TMEM253: variants seen among roughly 807,000 people sequenced by gnomAD.
TMEM253 encodes transmembrane protein C14orf176.
A neutral mutation model predicts 20.3 loss-of-function variants in TMEM253; 22 were observed. The observed-to-expected ratio is 1.08, with a 90% CI of 0.78 to 1.55. The LOEUF (loss-of-function observed/expected upper bound fraction) is 1.55. TMEM253 is among the 40% of genes most tolerant of loss of function. TMEM253 has a pLI of 0.00. For synonymous variants in TMEM253, 92 were observed against 102.6 expected, an observed-to-expected ratio of 0.90 and a Z score of 0.62; for missense variants, 251 against 266.1, an observed-to-expected ratio of 0.94 and a Z score of 0.39.
exon 7 of TMEM253, chr14:21,103,233 C>T (rs1196866068): frequency 6.4e-7 from 1 of 1,551,610 alleles, no homozygotes; most frequent in Non-Finnish European, 8.7e-7. Context: ...CGGGAACAGA[C>T]ACGTGCTGCT....
chr14:21,102,921 C>A (rs754586215), intron 6 of TMEM253, 142 bp downstream of exon 6: 25 of 1,388,016 alleles, frequency 1.8e-5, no homozygotes, highest in Non-Finnish European at 2.3e-5. Context: ...TTGGCTTTCT[C>A]TGGCTTTGAA....
intron 4 of TMEM253, 103 bp downstream of exon 4, chr14:21,102,223 A>C: frequency 1.4e-6 from 2 of 1,437,610 alleles, no homozygotes; most frequent in Non-Finnish European, 1.9e-6. Flanking sequence ...TCATTCTCTC[A>C]GCTGTCACCA....
intron 1 of TMEM253, 26 bp from the exon 2 acceptor site, chr14:21,101,282 C>G (rs909142497): frequency 4.8e-6 from 7 of 1,467,292 alleles, no homozygotes; most frequent in Non-Finnish European, 6.5e-6. Flanking sequence ...TCCTAATAGA[C>G]AGAACCTATA....
exon 4 of TMEM253, chr14:21,102,077 G>A (rs770551710): frequency 6.4e-7 from 1 of 1,551,382 alleles, no homozygotes; most frequent in South Asian, 1.2e-5. Context: ...CTCCTCACTG[G>A]GACTGTCACT....
At chr14:21,100,891 G>A (rs917066054), upstream of TMEM253, among the ~76,000 whole-genome samples, 3 of 152,186 alleles carry the variant, frequency 2.0e-5, no homozygotes, top group African/African-American at 7.2e-5. Flanking sequence ...CCATGGGGAT[G>A]AGGTAAGTGA....
chr14:21,100,532 GAGATAGAT>G (rs3062000), upstream of TMEM253, among the ~76,000 whole-genome samples: 12 of 150,116 alleles, frequency 8.0e-5, no homozygotes, highest in Admixed American at 4.6e-4. Flanking sequence ...TGAGGACCAT[GAGATAGAT>G]AGATAGATAG....
Position 21,102,110 on chromosome 14 carries a change from G to A in TMEM253, c.266G>A (p.Arg89His), listed in dbSNP as rs199880599. 593 of 1,551,030 alleles carry A rather than the reference G, an allele frequency of 3.8e-4. 1 individual carries two copies. The highest frequency in any genetic ancestry group is 2.5e-4 in the Non-Finnish European group (281 of 1,146,734). The change falls in exon 4 of 7, where the codon CGC (arginine) becomes CAC (histidine). Residue 89 changes from arginine to histidine, a missense_variant. Physicochemically the swap from Arg to His is conservative, Grantham distance 29. Transcript: ENST00000556585. ...ACTCTGGAGCTTCGCAGAGCACCCC[G>A]CCTTTGGAAGGTGAGAGGGAAGAAA...
chr14:21,102,748 G>T, exon 6 of TMEM253: 1 of 1,550,956 alleles, frequency 6.4e-7, no homozygotes. Flanking sequence ...TGCTGCAGGA[G>T]CCAGAGTCTG....
intron 2 of TMEM253, 171 bp downstream of exon 2, chr14:21,101,622 CT>C: frequency 4.4e-6 from 3 of 686,724 alleles, no homozygotes; most frequent in Non-Finnish European, 7.3e-6. Context: ...AGGCAAGACC[CT>C]TAATCTCCCA....
At chr14:21,099,929 T>C (rs1237783561), upstream of TMEM253, among the ~76,000 whole-genome samples, 1 of 152,218 alleles carries the variant, frequency 6.6e-6, no homozygotes, top group African/African-American at 2.4e-5. Context: ...TTTTAGTGTA[T>C]GGGCATCAGA....
exon 7 of TMEM253, chr14:21,103,217 G>A (rs761781290): frequency 2.6e-5 from 40 of 1,551,504 alleles, no homozygotes; most frequent in Non-Finnish European, 1.7e-5. Context: ...TGAGAGGGTG[G>A]GACAGCGGGA....
upstream of TMEM253, chr14:21,098,868 T>A (rs1168751005): frequency 7.8e-7 from 1 of 1,284,438 alleles, no homozygotes; most frequent in East Asian, 5.7e-5. Context: ...ACTCGGGAAG[T>A]TCTTCCTGGG....
upstream of TMEM253, among the ~76,000 whole-genome samples, chr14:21,099,711 GGCTAA>G (rs1435948660): frequency 6.6e-6 from 1 of 152,154 alleles, no homozygotes; most frequent in Non-Finnish European, 1.5e-5. Context: ...CCAGGTACTG[GGCTAA>G]GCTCTCTTCC....
At chr14:21,103,348 G>A in exon 7 of TMEM253, 2 of 1,471,672 alleles carry the variant, frequency 1.4e-6, no homozygotes, top group South Asian at 1.4e-5. Context: ...GTCCGGGAGT[G>A]CCTTCAGTTT....
chr14:21,102,715 T>C, exon 6 of TMEM253: 1 of 1,551,492 alleles, frequency 6.4e-7, no homozygotes, highest in Non-Finnish European at 8.7e-7. Context: ...GCCCTATTCT[T>C]GCTGAGCCAG....
At chr14:21,098,885 T>C (rs1246852269), upstream of TMEM253, 1 of 1,279,690 alleles carries the variant, frequency 7.8e-7, no homozygotes, top group South Asian at 1.2e-5. Context: ...TGGGGTTTTA[T>C]CTCAAAGCCT....
upstream of TMEM253, among the ~76,000 whole-genome samples, chr14:21,099,563 A>T (rs1889510404): frequency 6.6e-6 from 1 of 152,198 alleles, no homozygotes; most frequent in Non-Finnish European, 1.5e-5. Flanking sequence ...CTTACAAAAG[A>T]TCACTTGCCT....
At chr14:21,103,057 G>A in intron 6 of TMEM253, 82 bp from the exon 7 acceptor site, 1 of 1,545,756 alleles carries the variant, frequency 6.5e-7, no homozygotes, top group Non-Finnish European at 8.7e-7. Context: ...TAGAAAATTG[G>A]GCAGGAGGAA....
chr14:21,100,955 C>A (rs149520287), upstream of TMEM253: 1,194 of 165,882 alleles, frequency 7.2e-3, 7 homozygotes, highest in Non-Finnish European at 0.011. Context: ...GAAATGGGAA[C>A]AGAGTGAGGT....
Sources: allele counts gnomAD v4.1 joint callset (sites outside exome capture counted in the v4.1 genomes callset), GRCh38; gene constraint gnomAD v4.1.1; transcripts MANE v1.5; gene names NCBI Gene and HGNC (gene_info 2026-07-23, HGNC 2026-07-21).